CCDC7: variants seen among roughly 807,000 people sequenced by gnomAD.
CCDC7 encodes the protein coiled-coil domain containing 7.
In CCDC7, 183 loss-of-function variants were observed where a neutral mutation model predicts 196.9. That is an observed-to-expected ratio of 0.93 (90% confidence interval 0.82 to 1.05). The LOEUF (loss-of-function observed/expected upper bound fraction) is 1.05, where lower values mean the gene tolerates loss of function less well. Ranked by LOEUF, CCDC7 falls within the 50% of genes least tolerant of loss-of-function variation. The pLI is 0.00. For synonymous variants in CCDC7, 525 were observed against 484.6 expected (o/e 1.08, Z -1.10); for missense variants, 1,540 against 1,482.2 (o/e 1.04, Z -0.64).
intron 25 of CCDC7, among the ~76,000 whole-genome samples, chr10:32,726,511 G>C (rs1328998940): frequency 6.6e-6 from 1 of 152,102 alleles, no homozygotes; most frequent in East Asian, 1.9e-4. Flanking sequence ...TGATGCCTTA[G>C]AATATTTATG....
At chr10:32,782,517 C>T (rs756442395) in intron 29 of CCDC7, among the ~76,000 whole-genome samples, 7 of 152,090 alleles carry the variant, frequency 4.6e-5, no homozygotes, top group African/African-American at 7.2e-5. Context: ...CATGAGCCAC[C>T]GTGCCCGGCC....
chr10:32,774,063 A>T (rs1373157442), intron 28 of CCDC7, among the ~76,000 whole-genome samples: 4 of 152,206 alleles, frequency 2.6e-5, no homozygotes, highest in African/African-American at 9.6e-5. Flanking sequence ...TTAAGTGAGC[A>T]CCAGAACTTA....
At chr10:32,629,193 T>C (rs2064475572) in intron 18 of CCDC7, among the ~76,000 whole-genome samples, 1 of 152,160 alleles carries the variant, frequency 6.6e-6, no homozygotes, top group South Asian at 2.1e-4. Context: ...TTACAGCATA[T>C]ATATTTACAA....
intron 25 of CCDC7, among the ~76,000 whole-genome samples, chr10:32,724,774 TCCAAATGGAGGGTTC>T (rs2082884843): frequency 6.6e-6 from 1 of 152,046 alleles, no homozygotes; most frequent in South Asian, 2.1e-4. Context: ...CAAGAAGGAC[TCCAAATGGAGGGTTC>T]CTGAGCTAGG....
At chr10:32,564,582 A>C (rs1043953006) in intron 13 of CCDC7, among the ~76,000 whole-genome samples, 24 of 150,610 alleles carry the variant, frequency 1.6e-4, no homozygotes, top group African/African-American at 5.9e-4. Context: ...ATTCTCACTC[A>C]TAGGTGGGAA....
chr10:32,602,783 C>T (rs922565201), intron 18 of CCDC7, among the ~76,000 whole-genome samples: 2 of 152,052 alleles, frequency 1.3e-5, no homozygotes, highest in African/African-American at 4.8e-5. Flanking sequence ...CAGAGTCTGC[C>T]ATATCATCAT....
intron 5 of CCDC7, among the ~76,000 whole-genome samples, chr10:32,464,976 A>C (rs2036448276): frequency 6.6e-6 from 1 of 152,192 alleles, no homozygotes; most frequent in Admixed American, 6.5e-5. Context: ...TGTTTTTAAA[A>C]AAATTATTTT....
chr10:32,659,205 T>A (rs1475495033), intron 20 of CCDC7, among the ~76,000 whole-genome samples: 2 of 152,220 alleles, frequency 1.3e-5, no homozygotes, highest in East Asian at 3.8e-4. Flanking sequence ...TGCTTTTGCA[T>A]CATTTCATGT....
At chr10:32,871,224 G>A (rs377672150) in intron 41 of CCDC7, among the ~76,000 whole-genome samples, 8 of 151,768 alleles carry the variant, frequency 5.3e-5, no homozygotes, top group Non-Finnish European at 8.8e-5. Flanking sequence ...TGAATCCATC[G>A]GGTCCTGGAC....
At chr10:32,613,863 A>G (rs1216041069) in intron 18 of CCDC7, among the ~76,000 whole-genome samples, 1 of 152,150 alleles carries the variant, frequency 6.6e-6, no homozygotes, top group Non-Finnish European at 1.5e-5. Context: ...AGAAGAATGT[A>G]TATTCTGTTG....
In CCDC7 at chr10:32,739,859, C is replaced by T. The variant is rs553533658; in HGVS notation, c.2905+10402C>T. ...TTCTAAAATATTGTCATTATTTTTGCCCCCCCCCACCAAACTGCTGTTTCT... is the reference window on the plus strand; with the variant it reads ...TTCTAAAATATTGTCATTATTTTTGTCCCCCCCCACCAAACTGCTGTTTCT... On this transcript the variant is annotated intron_variant, in intron 28 of 41. Transcript: ENST00000639629. 3.2e-3 allele frequency among the ~76,000 whole-genome samples: 241 copies of T among 75,974 alleles called. 2 individuals carry two copies. The highest frequency in any genetic ancestry group is 9.3e-3 in the African/African-American group (177 of 19,102). 49.8% of individuals were successfully genotyped at this position (75,974 alleles called of 152,430 possible).
intron 18 of CCDC7, among the ~76,000 whole-genome samples, chr10:32,632,829 A>G (rs1343681347): frequency 6.6e-6 from 1 of 152,108 alleles, no homozygotes; most frequent in Non-Finnish European, 1.5e-5. Context: ...ATACTATTAA[A>G]TTTCTCAAGG....
intron 20 of CCDC7, among the ~76,000 whole-genome samples, chr10:32,640,887 T>TTA (rs1269017758): frequency 7.3e-6 from 1 of 137,446 alleles, no homozygotes; most frequent in East Asian, 2.1e-4. Context: ...TTTTTTTTTT[T>TTA]ATTATACTCT....
intron 18 of CCDC7, among the ~76,000 whole-genome samples, chr10:32,597,007 G>C (rs575034798): frequency 1.3e-5 from 2 of 151,964 alleles, no homozygotes; most frequent in African/African-American, 4.8e-5. Flanking sequence ...TGCGTCTTGG[G>C]GTTGCTCTTC....
rs768310384 is a variant in CCDC7, at chr10:32,456,220, T to G, written c.373-31T>G. The G allele has an allele frequency of 2.0e-6, 3 of 1,484,906 alleles. No homozygotes were observed. The South Asian group carries it at 4.3e-5, about 21-fold the overall frequency. 92.0% of individuals were successfully genotyped at this position (1,484,906 alleles called of 1,614,324 possible). On this transcript the variant is annotated intron_variant, in intron 2 of 41. Coordinates refer to ENST00000639629, the Ensembl canonical transcript of CCDC7. ...AGACATGCATATGGATTCTTAAATGTAACTTTATGTTTTATTATTCTTTTC... is the reference window on the plus strand; with the variant it reads ...AGACATGCATATGGATTCTTAAATGGAACTTTATGTTTTATTATTCTTTTC...
intron 22 of CCDC7, among the ~76,000 whole-genome samples, chr10:32,686,831 A>G (rs979172107): frequency 1.2e-4 from 18 of 152,226 alleles, no homozygotes; most frequent in African/African-American, 4.3e-4. Flanking sequence ...GGCCAATACA[A>G]CATCCAGTCC....
intron 28 of CCDC7, among the ~76,000 whole-genome samples, chr10:32,740,072 A>T (rs1055219170): frequency 6.6e-6 from 1 of 152,100 alleles, no homozygotes; most frequent in South Asian, 2.1e-4. Context: ...GGAGACTCCT[A>T]TGTTTTTCTC....
chr10:32,721,781 G>A (rs1263621994), intron 25 of CCDC7, among the ~76,000 whole-genome samples: 1 of 152,138 alleles, frequency 6.6e-6, no homozygotes, highest in Non-Finnish European at 1.5e-5. Flanking sequence ...CAGGGCAACA[G>A]TTTTTGTTTG....
chr10:32,508,748 A>G (rs983960682), intron 9 of CCDC7, among the ~76,000 whole-genome samples: 3 of 151,822 alleles, frequency 2.0e-5, no homozygotes, highest in African/African-American at 7.3e-5. Flanking sequence ...CTCCTGCCTC[A>G]GCCTCCCAAG....
Sources: gnomAD v4.1 joint callset for allele counts (sites outside exome capture counted in the v4.1 genomes callset) on GRCh38, gnomAD v4.1.1 for gene constraint, MANE v1.5 for transcripts, NCBI Gene and HGNC (gene_info 2026-07-23, HGNC 2026-07-21) for gene names.